KIF13A: variants seen among roughly 807,000 people sequenced by gnomAD.
The protein encoded by KIF13A is kinesin family member 13A, also known as kinesin-like protein KIF13A.
Under a neutral mutation model 212.2 loss-of-function variants are expected in KIF13A, and 79 were observed. The observed-to-expected ratio is 0.37, with a 90% confidence interval of 0.31 to 0.45. KIF13A has a LOEUF of 0.45. KIF13A is among the 20% of genes least tolerant of loss of function. The pLI is 1.00. For synonymous variants in KIF13A, 789 were observed against 808.6 expected (o/e 0.98, Z 0.41); for missense variants, 1,901 against 2,209.0 (o/e 0.86, Z 2.79).
At chr6:17,779,857 C>T (rs1212326764) in intron 31 of KIF13A, among the ~76,000 whole-genome samples, 173 bp from the exon 32 acceptor site, 1 of 151,396 alleles carries the variant, frequency 6.6e-6, no homozygotes, top group Non-Finnish European at 1.5e-5. Flanking sequence ...TCTCTTGCCT[C>T]AGCCTCCCGA....
chr6:17,975,391 G>C (rs899311093), intron 2 of KIF13A, among the ~76,000 whole-genome samples: 1 of 152,110 alleles, frequency 6.6e-6, no homozygotes, highest in Non-Finnish European at 1.5e-5. Context: ...CAAATCTTAA[G>C]TTGGCGCGTC....
At chr6:17,925,040 C>T (rs1044068160) in intron 2 of KIF13A, among the ~76,000 whole-genome samples, 4 of 152,068 alleles carry the variant, frequency 2.6e-5, no homozygotes, top group African/African-American at 9.7e-5. Context: ...AAATTAAATT[C>T]CCTTCTTCCT....
intron 26 of KIF13A, among the ~76,000 whole-genome samples, 173 bp from the exon 27 acceptor site, chr6:17,788,048 T>C (rs549596001): frequency 1.3e-5 from 2 of 152,214 alleles, no homozygotes; most frequent in Non-Finnish European, 2.9e-5. Flanking sequence ...TAACACTGCA[T>C]GTTGATCAAG....
chr6:17,907,352 A>G (rs945449384), intron 2 of KIF13A, among the ~76,000 whole-genome samples: 5 of 152,146 alleles, frequency 3.3e-5, no homozygotes, highest in African/African-American at 1.2e-4. Flanking sequence ...TCTGGCATCA[A>G]AGAATTTGGT....
chr6:17,847,095 G>A (rs750970049), intron 9 of KIF13A, among the ~76,000 whole-genome samples: 2 of 152,080 alleles, frequency 1.3e-5, no homozygotes, highest in Non-Finnish European at 2.9e-5. Context: ...TAAAGTTAGT[G>A]GTCATTCCAC....
chr6:17,766,300 T>G (rs1287434464), intron 38 of KIF13A, among the ~76,000 whole-genome samples: 3 of 151,592 alleles, frequency 2.0e-5, no homozygotes, highest in Non-Finnish European at 4.4e-5. Flanking sequence ...AGTGCAATGG[T>G]GTGATCTCGG....
chr6:17,780,692 C>A, intron 31 of KIF13A, 38 bp downstream of exon 31: 1 of 1,591,248 alleles, frequency 6.3e-7, no homozygotes, highest in Non-Finnish European at 8.6e-7. Flanking sequence ...ATCTTTTGAG[C>A]TCAGAGCCAG....
downstream of KIF13A, chr6:17,760,726 G>T: frequency 1.1e-6 from 1 of 899,246 alleles, no homozygotes; most frequent in South Asian, 1.4e-5. Flanking sequence ...TGCACGGTGT[G>T]GATTCTCCAG....
intron 2 of KIF13A, among the ~76,000 whole-genome samples, chr6:17,976,390 G>C (rs1237733751): frequency 6.6e-6 from 1 of 152,178 alleles, no homozygotes; most frequent in East Asian, 1.9e-4. Context: ...GGCCGGCACT[G>C]CTGGGGGACC....
Position 17,851,998 on chromosome 6 carries a change from G to T in KIF13A, c.539C>A (p.Pro180Gln). 1 of 1,556,130 alleles carries T rather than the reference G, an allele frequency of 6.4e-7. No individual in the cohort carries two copies. The highest frequency in any genetic ancestry group is 8.7e-7 in the Non-Finnish European group (1 of 1,154,718). ...TAGTTGAGATAAACCATCTACATAT[G>T]GTCCCAAAACTTTATGTTCTCGAAC... ...LKVREHKVLG[P>Q]YVDGLSQLAV... The change falls in exon 7 of 39, where the codon CCA becomes CAA. Residue 180 changes from proline (P) to glutamine (Q), a missense_variant. Coordinates refer to ENST00000259711, the MANE Select transcript of KIF13A (RefSeq NM_022113.6).
chr6:17,795,313 T>C (rs928820733), intron 23 of KIF13A, among the ~76,000 whole-genome samples: 5 of 151,896 alleles, frequency 3.3e-5, no homozygotes, highest in Non-Finnish European at 1.5e-5. Flanking sequence ...CTGGGTGTGG[T>C]GGCTCGAGCT....
At chr6:17,784,358 C>T (rs1760865483) in intron 28 of KIF13A, among the ~76,000 whole-genome samples, 1 of 152,068 alleles carries the variant, frequency 6.6e-6, no homozygotes, top group East Asian at 1.9e-4. Flanking sequence ...ATCGAGGTTG[C>T]AGTGCACCAA....
At chr6:17,923,536 T>C (rs1473609858) in intron 2 of KIF13A, among the ~76,000 whole-genome samples, 1 of 123,422 alleles carries the variant, frequency 8.1e-6, no homozygotes, top group African/African-American at 3.0e-5. Context: ...CTGGGTTTGG[T>C]TTTTTTTTTT....
At chr6:17,858,140 TGAGA>T (rs889691928) in intron 4 of KIF13A, among the ~76,000 whole-genome samples, 10 of 143,008 alleles carry the variant, frequency 7.0e-5, no homozygotes, top group African/African-American at 1.5e-4. Context: ...TGTGTGTGTG[TGAGA>T]GAGAGAGATC....
At position 17,771,228 on chromosome 6, in the gene KIF13A, T is replaced by C. The variant is rs747805081; in HGVS notation, c.4477-10A>G. The C allele has an allele frequency of 1.3e-6, 2 of 1,591,002 alleles. No homozygotes were observed. The highest frequency in any genetic ancestry group is 2.2e-5 in the South Asian group (2 of 89,638). ...GAGGTGGAGGCATGCTCTGCAAAGG[T>C]TAAGACACACAGATGCATCACACAC... On this transcript the variant is annotated splice_polypyrimidine_tract_variant and intron_variant, in intron 37 of 38. Transcript: ENST00000259711. This position sits in a 1 kb window ranked among gnomAD's most constrained non-coding sequence, Gnocchi z 5.4.
chr6:17,821,805 G>T, intron 16 of KIF13A: 1 of 1,535,324 alleles, frequency 6.5e-7, no homozygotes, highest in Middle Eastern at 1.7e-4. Flanking sequence ...AGTGTTTGTG[G>T]AGGAGCTTCG....
At chr6:17,949,931 TTAAC>T (rs747608877) in intron 2 of KIF13A, among the ~76,000 whole-genome samples, 27 of 152,134 alleles carry the variant, frequency 1.8e-4, no homozygotes, top group Admixed American at 1.5e-3. Context: ...AACACACTGA[TTAAC>T]TAACATATTT....
At chr6:17,894,486 A>G (rs1772378531) in intron 3 of KIF13A, among the ~76,000 whole-genome samples, 1 of 151,626 alleles carries the variant, frequency 6.6e-6, no homozygotes, top group African/African-American at 2.4e-5. Context: ...AATTATAGTG[A>G]TTTTTTCATA....
chr6:17,778,428 C>T (rs1760189610), intron 33 of KIF13A, among the ~76,000 whole-genome samples: 1 of 152,020 alleles, frequency 6.6e-6, no homozygotes, highest in Non-Finnish European at 1.5e-5. Context: ...TATGAAATGA[C>T]ATATCTTATC....
Sources: gnomAD v4.1 joint callset for allele counts (sites outside exome capture counted in the v4.1 genomes callset) on GRCh38, gnomAD v4.1.1 for gene constraint, Gnocchi (gnomAD v3.1) non-coding constraint, MANE v1.5 for transcripts, NCBI Gene and HGNC (gene_info 2026-07-23, HGNC 2026-07-21) for gene names.